The following BCL2 variants were observed in gnomAD, a reference collection of about 807,000 sequenced individuals.
BCL2 encodes BCL2 apoptosis regulator.
Under a neutral mutation model 14.2 loss-of-function variants are expected in BCL2, and 1 was observed. That is an observed-to-expected ratio of 0.07 (90% CI 0.02 to 0.33). The LOEUF (loss-of-function observed/expected upper bound fraction) is 0.33. BCL2 is among the 10% of genes least tolerant of loss of function. The pLI is 0.99. For synonymous variants in BCL2, 151 were observed against 137.2 expected, an observed-to-expected ratio of 1.10 and a Z score of -0.70; for missense variants, 247 against 305.9, an observed-to-expected ratio of 0.81 and a Z score of 1.44.
At chr18:63,129,440 G>A (rs950455824) in intron 2 of BCL2, among the ~76,000 whole-genome samples, 2 of 151,814 alleles carry the variant, frequency 1.3e-5, no homozygotes, top group African/African-American at 4.8e-5. Flanking sequence ...TACCATGCTT[G>A]GCTAATTTTT....
intron 2 of BCL2, among the ~76,000 whole-genome samples, chr18:63,313,035 C>T (rs926174405): frequency 6.6e-6 from 1 of 152,190 alleles, no homozygotes; most frequent in African/African-American, 2.4e-5. Flanking sequence ...ACATGAACAG[C>T]CATATGGTCA....
At chr18:63,189,206 G>T (rs200907531) in intron 2 of BCL2, among the ~76,000 whole-genome samples, 1 of 138,730 alleles carries the variant, frequency 7.2e-6, no homozygotes, top group African/African-American at 2.6e-5. Flanking sequence ...AAAAAAAAAA[G>T]AAAAAGAAAA....
chr18:63,150,944 G>T (rs1914637217), intron 2 of BCL2, among the ~76,000 whole-genome samples: 1 of 151,922 alleles, frequency 6.6e-6, no homozygotes, highest in African/African-American at 2.4e-5. Context: ...AGGTTACTAA[G>T]CTGCGCCTCC....
chr18:63,262,087 T>TA (rs959226224), intron 2 of BCL2, among the ~76,000 whole-genome samples: 18 of 150,524 alleles, frequency 1.2e-4, no homozygotes, highest in Non-Finnish European at 2.5e-4. Flanking sequence ...GCCAATTTTT[T>TA]TATATTTTTA....
chr18:63,227,255 T>C (rs1910574197), intron 2 of BCL2, among the ~76,000 whole-genome samples: 1 of 152,258 alleles, frequency 6.6e-6, no homozygotes, highest in Non-Finnish European at 1.5e-5. Flanking sequence ...AAAGATACTT[T>C]CAGTCAGAGA....
At chr18:63,215,063 G>A (rs1333246980) in intron 2 of BCL2, among the ~76,000 whole-genome samples, 3 of 152,192 alleles carry the variant, frequency 2.0e-5, no homozygotes, top group Non-Finnish European at 4.4e-5. Context: ...TCTAGAAAGC[G>A]ATAATCATCC....
intron 2 of BCL2, among the ~76,000 whole-genome samples, chr18:63,220,052 A>G (rs1178948773): frequency 3.3e-5 from 5 of 152,248 alleles, no homozygotes; most frequent in African/African-American, 4.8e-5. Flanking sequence ...CAAATCTACA[A>G]TCTAGTTTAA....
At chr18:63,320,009 G>C (rs1334126458), upstream of BCL2, 1 of 150,388 alleles carries the variant, frequency 6.6e-6, no homozygotes, top group Non-Finnish European at 1.5e-5. Flanking sequence ...CCGGCAGGGA[G>C]GGCCCGGAGC....
intron 2 of BCL2, among the ~76,000 whole-genome samples, chr18:63,291,585 G>A (rs1381770298): frequency 6.6e-6 from 1 of 152,136 alleles, no homozygotes; most frequent in African/African-American, 2.4e-5. Flanking sequence ...TTAAACCAAA[G>A]TGTACCATCC....
chr18:63,154,173 A>C (rs28613776), intron 2 of BCL2, among the ~76,000 whole-genome samples: 2,350 of 152,110 alleles, frequency 0.015, 62 homozygotes, highest in African/African-American at 0.053. Flanking sequence ...AACCGGGGTG[A>C]TCCTCAACTC....
At chr18:63,156,382 A>G (rs1245203934) in intron 2 of BCL2, among the ~76,000 whole-genome samples, 1 of 152,136 alleles carries the variant, frequency 6.6e-6, no homozygotes, top group Non-Finnish European at 1.5e-5. Context: ...TGTGCACTGG[A>G]GGATGTTTAG....
intron 2 of BCL2, among the ~76,000 whole-genome samples, chr18:63,168,047 A>G (rs1170151331): frequency 1.3e-5 from 2 of 151,490 alleles, no homozygotes; most frequent in African/African-American, 4.9e-5. Flanking sequence ...TGGACAAGAG[A>G]GTGGGGCCCT....
chr18:63,143,230 A>G (rs1914414006), intron 2 of BCL2, among the ~76,000 whole-genome samples: 1 of 152,242 alleles, frequency 6.6e-6, no homozygotes, highest in South Asian at 2.1e-4. Context: ...AGAGACCCAG[A>G]AAGACAAAGA....
At chr18:63,159,862 C>T (rs1307214170) in intron 2 of BCL2, among the ~76,000 whole-genome samples, 2 of 152,202 alleles carry the variant, frequency 1.3e-5, no homozygotes, top group Non-Finnish European at 2.9e-5. Flanking sequence ...GGACTGCCCA[C>T]GCGTACGCAT....
In BCL2 at chr18:63,293,620, A is replaced by G. The variant is rs902509005; in HGVS notation, c.585+24462T>C. Among the ~76,000 whole-genome samples, 2 of 152,336 alleles carry G rather than the reference A, an allele frequency of 1.3e-5. 1 individual carries two copies. The highest frequency in any genetic ancestry group is 6.8e-3 in the Middle Eastern group (2 of 294). ...TTGTGGAAGAGACTGGGGTGTCCAG[A>G]GGACCTTGGATATCTGGAATACTCA... On this transcript the variant is annotated intron_variant, in intron 2 of 2. Transcript: ENST00000333681.
At position 63,266,637 on chromosome 18, in the gene BCL2, T is replaced by TCTCTCTCTCACACACA. The variant is rs1491465885; in HGVS notation, c.585+51444_585+51445insTGTGTGTGAGAGAGAG. ...CTCTCTCTCTCTCTCTCTCTCTCTC[T>TCTCTCTCTCACACACA]CACACACACACACACACACAAAAAT... On this transcript the variant is annotated intron_variant, in intron 2 of 2. Coordinates refer to ENST00000333681, the MANE Select transcript of BCL2 (RefSeq NM_000633.3). Among the ~76,000 whole-genome samples, 91 of 86,004 alleles carry TCTCTCTCTCACACACA rather than the reference T, an allele frequency of 1.1e-3. 1 individual carries two copies. The South Asian group carries it at 0.014, about 13-fold the overall frequency. 56.4% of individuals were successfully genotyped at this position (86,004 alleles called of 152,430 possible). A position where few individuals can be genotyped will look rare whatever the true frequency, so the allele number is the denominator to read the frequency against.
At chr18:63,185,754 A>G (rs916502229) in intron 2 of BCL2, among the ~76,000 whole-genome samples, 1 of 152,202 alleles carries the variant, frequency 6.6e-6, no homozygotes, top group African/African-American at 2.4e-5. Flanking sequence ...CCACTTACTA[A>G]GGAGGAAACT....
chr18:63,247,896 T>C (rs1911198556), intron 2 of BCL2, among the ~76,000 whole-genome samples: 3 of 152,208 alleles, frequency 2.0e-5, no homozygotes, highest in African/African-American at 7.2e-5. Context: ...TTTTAATTAC[T>C]AACCTTACAT....
intron 2 of BCL2, among the ~76,000 whole-genome samples, chr18:63,235,363 C>T (rs932276409): frequency 6.6e-6 from 1 of 152,200 alleles, no homozygotes; most frequent in African/African-American, 2.4e-5. Context: ...GCTAGACACA[C>T]CTGTAGCATT....
Sources: allele counts gnomAD v4.1 joint callset (sites outside exome capture counted in the v4.1 genomes callset), GRCh38; gene constraint gnomAD v4.1.1; transcripts MANE v1.5; gene names NCBI Gene and HGNC (gene_info 2026-07-23, HGNC 2026-07-21).